The following HTR2C variants were observed in gnomAD, a reference collection of about 807,000 sequenced individuals.
HTR2C encodes the protein 5-hydroxytryptamine receptor 2C.
HTR2C carries 5 observed loss-of-function variants against 21.0 expected under a neutral mutation model. That is an observed-to-expected ratio of 0.24 (90% CI 0.12 to 0.50). The LOEUF (loss-of-function observed/expected upper bound fraction) is 0.50. HTR2C is among the 20% of genes least tolerant of loss of function. The probability of loss-of-function intolerance (pLI) is 0.98; values close to 1 mark genes in which losing one functional copy is unlikely to be tolerated. For missense variants in HTR2C, 271 were observed against 371.2 expected (o/e 0.73, Z 2.22); for synonymous variants, 150 against 145.3 (o/e 1.03, Z -0.23).
intron 4 of HTR2C, among the ~76,000 whole-genome samples, chrX:114,808,732 T>G (rs948966363): frequency 7.1e-5 from 8 of 111,927 alleles, no homozygotes; most frequent in African/African-American, 9.7e-5. Context: ...AGTGAGCCCC[T>G]TTTTGTATGA....
chrX:114,879,314 G>T (rs975444614), intron 5 of HTR2C, among the ~76,000 whole-genome samples: 17 of 109,099 alleles, frequency 1.6e-4, no homozygotes, highest in African/African-American at 5.0e-4. Flanking sequence ...TTATGCATAT[G>T]ATTTCCATGT....
chrX:114,784,855 G>C (rs1332379433), intron 4 of HTR2C, among the ~76,000 whole-genome samples: 1 of 110,581 alleles, frequency 9.0e-6, no homozygotes, highest in Non-Finnish European at 1.9e-5. Context: ...TCCTGAACTC[G>C]TGATCCGCCC....
At position 114,907,461 on chromosome X, in the gene HTR2C, G is replaced by C; in HGVS notation, c.*46G>C. The C allele has an allele frequency of 2.0e-6, 2 of 989,546 alleles. No individual in the cohort carries two copies. Among genetic ancestry groups the C allele is most frequent in the South Asian group, 2.2e-5 (1 of 44,793 alleles). The allele number at this position is 989,546 out of a possible 1,213,427, so 81.5% of individuals were successfully genotyped here. On this transcript the variant is annotated 3_prime_UTR_variant, in exon 6 of 6. Transcript: ENST00000276198. ...TCCTACGGTACAAGCTACATATGTA[G>C]GAAAATTTTCTTCTTTAATTTTTCT... is the stretch of plus-strand genomic sequence containing the variant.
chrX:114,650,119 T>C (rs1385082471), intron 2 of HTR2C, among the ~76,000 whole-genome samples: 3 of 111,993 alleles, frequency 2.7e-5, no homozygotes, highest in Non-Finnish European at 3.8e-5. Flanking sequence ...AAATCTCTAA[T>C]TTGACTACAT....
rs185177152 is a variant in HTR2C, at chrX:114,882,180, A to C, written c.551-24409A>C. 3.1e-4 allele frequency among the ~76,000 whole-genome samples: 34 copies of C among 111,018 alleles called. No individual in the cohort carries two copies. The East Asian group carries it at 5.9e-3, about 19-fold the overall frequency. On this transcript the variant is annotated intron_variant, in intron 5 of 5. Coordinates refer to ENST00000276198, the MANE Select transcript of HTR2C (RefSeq NM_000868.4). ...TGCAAGTGTACAGAAATATAATTAA[A>C]TTATGTATACTTATTTTATATCATG... is the stretch of plus-strand genomic sequence containing the variant.
At chrX:114,836,708 A>T (rs1306366292) in intron 4 of HTR2C, among the ~76,000 whole-genome samples, 3 of 112,102 alleles carry the variant, frequency 2.7e-5, no homozygotes, top group Admixed American at 9.4e-5. Context: ...AGCTGTTCCT[A>T]TTCGGCCATC....
intron 4 of HTR2C, among the ~76,000 whole-genome samples, chrX:114,744,456 CT>C (rs782167644): frequency 0.052 from 4,944 of 94,392 alleles, 335 homozygotes; most frequent in African/African-American, 0.17. Flanking sequence ...AAAGCTCATT[CT>C]TTTTTTTTTT....
At chrX:114,702,858 G>A (rs1275232889) in intron 2 of HTR2C, among the ~76,000 whole-genome samples, 3 of 107,098 alleles carry the variant, frequency 2.8e-5, no homozygotes, top group South Asian at 4.4e-4. Context: ...ATAAAGGGAC[G>A]GAGGAAGATC....
intron 2 of HTR2C, among the ~76,000 whole-genome samples, chrX:114,666,353 A>C (rs1278251739): frequency 8.9e-6 from 1 of 112,192 alleles, no homozygotes; most frequent in Non-Finnish European, 1.9e-5. Flanking sequence ...TGCAATCGTC[A>C]CAAAAATAAT....
At chrX:114,852,040 T>C (rs1458084297) in intron 5 of HTR2C, among the ~76,000 whole-genome samples, 1 of 111,569 alleles carries the variant, frequency 9.0e-6, no homozygotes, top group Non-Finnish European at 1.9e-5. Flanking sequence ...ATACAAGAAA[T>C]TAATTTCAGA....
At chrX:114,595,076 G>A (rs1456294423) in intron 1 of HTR2C, among the ~76,000 whole-genome samples, 1 of 110,877 alleles carries the variant, frequency 9.0e-6, no homozygotes, top group Non-Finnish European at 1.9e-5. Flanking sequence ...ACATAACTTC[G>A]ACTTAGTTAG....
At position 114,623,530 on chromosome X, in the gene HTR2C, T is replaced by C. The variant is rs782019355; in HGVS notation, c.-80+9649T>C. On this transcript the variant is annotated intron_variant, in intron 2 of 5. Transcript: ENST00000276198. ...ATTTTCTCTTGAAGGATGTTTTTTA[T>C]TTTTAGATGAGGCTATATAAGACAG... Among the ~76,000 whole-genome samples the C allele has an allele frequency of 1.1e-4, 12 of 112,245 alleles. No homozygotes were observed. The South Asian group carries it at 1.1e-3, about 10-fold the overall frequency.
At chrX:114,693,047 T>C (rs1465348560) in intron 2 of HTR2C, among the ~76,000 whole-genome samples, 5 of 111,888 alleles carry the variant, frequency 4.5e-5, no homozygotes, top group Non-Finnish European at 7.5e-5. Context: ...GCATAGTAGA[T>C]AGCAACCAGT....
At chrX:114,725,617 C>G (rs1446197325) in intron 2 of HTR2C, among the ~76,000 whole-genome samples, 2 of 111,714 alleles carry the variant, frequency 1.8e-5, no homozygotes, top group East Asian at 2.8e-4. Context: ...TCCAGTTTTT[C>G]TACTCTGTTT....
At chrX:114,884,491 A>C (rs1362585879) in intron 5 of HTR2C, among the ~76,000 whole-genome samples, 2 of 111,400 alleles carry the variant, frequency 1.8e-5, no homozygotes, top group Non-Finnish European at 3.8e-5. Flanking sequence ...AAAATGGGCA[A>C]ATGATCTAAA....
chrX:114,685,733 CAA>C (rs1433146174), intron 2 of HTR2C, among the ~76,000 whole-genome samples: 1 of 110,719 alleles, frequency 9.0e-6, no homozygotes, highest in Non-Finnish European at 1.9e-5. Context: ...CACTTTAGAA[CAA>C]AAAAGAGTCT....
chrX:114,764,770 A>G (rs1344678045), intron 4 of HTR2C, among the ~76,000 whole-genome samples: 2 of 111,976 alleles, frequency 1.8e-5, no homozygotes, highest in Non-Finnish European at 3.8e-5. Flanking sequence ...TTCTCAAGAA[A>G]GATTAGAATT....
At chrX:114,743,259 T>C (rs1304801662) in intron 4 of HTR2C, among the ~76,000 whole-genome samples, 1 of 106,419 alleles carries the variant, frequency 9.4e-6, no homozygotes, top group African/African-American at 3.4e-5. Context: ...ATGGGATGGC[T>C]GGGTCAAATG....
chrX:114,618,641 C>T (rs1376112103), intron 2 of HTR2C, among the ~76,000 whole-genome samples: 9 of 110,122 alleles, frequency 8.2e-5, no homozygotes, highest in African/African-American at 2.7e-4. Flanking sequence ...TGACTCTAAA[C>T]GTAACATAGT....
Sources: gnomAD v4.1 joint callset for allele counts (sites outside exome capture counted in the v4.1 genomes callset) on GRCh38, gnomAD v4.1.1 for gene constraint, MANE v1.5 for transcripts, NCBI Gene and HGNC (gene_info 2026-07-23, HGNC 2026-07-21) for gene names.